Variants in EVC observed in about 807,000 individuals in gnomAD.
The protein encoded by EVC is EvC ciliary complex subunit 1, also known as evC complex member EVC.
EVC carries 116 observed loss-of-function variants against 118.9 expected under a neutral mutation model. The ratio of observed to expected loss-of-function variants is 0.98; its 90% confidence interval spans 0.84 to 1.14. EVC has a LOEUF of 1.14. Among genes scored for constraint, EVC ranks in the 50% most tolerant of loss-of-function variants. The probability of loss-of-function intolerance (pLI) is 0.00; values close to 1 mark genes in which losing one functional copy is unlikely to be tolerated. For synonymous variants in EVC, 619 were observed against 534.7 expected (o/e 1.16, Z -2.18); for missense variants, 1,401 against 1,246.4 (o/e 1.12, Z -1.87).
At chr4:5,773,889 G>C (rs185664372) in intron 11 of EVC, among the ~76,000 whole-genome samples, 48 of 152,178 alleles carry the variant, frequency 3.2e-4, no homozygotes, top group African/African-American at 6.7e-4. Flanking sequence ...GAACAATCAG[G>C]CTGGGGTCCC....
rs1729207023 is a variant in EVC, at chr4:5,745,349, C to T, written c.939+8C>T. On this transcript the variant is annotated splice_region_variant and intron_variant, in intron 7 of 20. Transcript: ENST00000264956. ...GAACAGCTAATCGATAATGTGCGTG[C>T]CAGACTTTCTTTCCTGTACACAAAT... is the stretch of plus-strand genomic sequence containing the variant. 1 of 1,612,184 alleles carries T rather than the reference C, an allele frequency of 6.2e-7. No individual in the cohort carries two copies. The highest frequency in any genetic ancestry group is 8.5e-7 in the Non-Finnish European group (1 of 1,179,594).
At chr4:5,748,999 T>A (rs1729933339) in intron 8 of EVC, among the ~76,000 whole-genome samples, 1 of 151,890 alleles carries the variant, frequency 6.6e-6, no homozygotes, top group African/African-American at 2.4e-5. Flanking sequence ...GCATTGGGGT[T>A]TTTAGAGCTC....
At chr4:5,790,574 C>G (rs965869410) in intron 12 of EVC, among the ~76,000 whole-genome samples, 1 of 152,028 alleles carries the variant, frequency 6.6e-6, no homozygotes, top group Non-Finnish European at 1.5e-5. Context: ...GATGTGAGAT[C>G]GTCAGGGAGG....
rs115477664 is a variant in EVC at position 5,731,801 on chromosome 4, G to A, written c.617+144G>A. Reference sequence around the variant, plus strand: ...CACACAGCGACCCAGCGTCACCATCGGAGCCCCAGAGGCCTTTGTCACTTC... The same window carrying A: ...CACACAGCGACCCAGCGTCACCATCAGAGCCCCAGAGGCCTTTGTCACTTC... On this transcript the variant is annotated intron_variant, in intron 4 of 20. Transcript: ENST00000264956. The surrounding 1 kb of genome is among the most constrained non-coding windows in gnomAD (Gnocchi z 5.6). 1,624 of 846,084 alleles carry A rather than the reference G, an allele frequency of 1.9e-3. 18 individuals carry two copies. The African/African-American group carries it at 0.023, about 12-fold the overall frequency. The allele number at this position is 846,084 out of a possible 1,614,324, so 52.4% of individuals were successfully genotyped here. A position where few individuals can be genotyped will look rare whatever the true frequency, so the allele number is the denominator to read the frequency against.
chr4:5,754,928 G>A lies in EVC; in HGVS notation c.1464+995G>A, dbSNP rs544123870. On this transcript the variant is annotated intron_variant, in intron 10 of 20. Coordinates refer to ENST00000264956, the MANE Select transcript of EVC (RefSeq NM_153717.3). This position sits in a 1 kb window ranked among gnomAD's most constrained non-coding sequence, Gnocchi z 5.8. Reference sequence around the variant, plus strand: ...CAAGGGGTGGGTGGCACCATGTCTGGGTCCAGGCTCAGCCCAGAATAGAGG... The same window carrying A: ...CAAGGGGTGGGTGGCACCATGTCTGAGTCCAGGCTCAGCCCAGAATAGAGG... Among the ~76,000 whole-genome samples, 297 of 152,138 alleles carry A rather than the reference G, an allele frequency of 2.0e-3. 1 individual carries two copies. The highest frequency in any genetic ancestry group is 0.01 in the South Asian group (49 of 4,788).
intron 9 of EVC, 108 bp downstream of exon 9, chr4:5,753,160 G>T: frequency 1.9e-6 from 2 of 1,080,694 alleles, no homozygotes; most frequent in Admixed American, 2.0e-5. Flanking sequence ...ATGATGCCGG[G>T]CACAGGCTGC....
At chr4:5,766,037 T>G (rs6852385) in intron 11 of EVC, among the ~76,000 whole-genome samples, 36,132 of 112,722 alleles carry the variant, frequency 0.32, 6,143 homozygotes, top group East Asian at 0.39. Context: ...TGCAGCGGCT[T>G]GTACCGGTTG....
At chr4:5,769,821 T>A (rs1486546297) in intron 11 of EVC, among the ~76,000 whole-genome samples, 1 of 152,152 alleles carries the variant, frequency 6.6e-6, no homozygotes, top group Non-Finnish European at 1.5e-5. Flanking sequence ...AACACTGGAC[T>A]CTGTCCTTGA....
chr4:5,768,813 CACCACTGTACTCTAGCCTGGTGACA>C (rs1448821993), intron 11 of EVC, among the ~76,000 whole-genome samples: 1 of 126,948 alleles, frequency 7.9e-6, no homozygotes, highest in South Asian at 2.3e-4. Context: ...GGCGAGATCA[CACCACTGTACTCTAGCCTGGTGACA>C]GAGCAAAACT....
Position 5,742,675 on chromosome 4 carries a change from G to A in EVC, c.801+861G>A, listed in dbSNP as rs541188256. Among the ~76,000 whole-genome samples the A allele has an allele frequency of 7.9e-5, 12 of 152,102 alleles. No individual in the cohort carries two copies. The highest frequency in any genetic ancestry group is 2.9e-4 in the African/African-American group (12 of 41,502). On this transcript the variant is annotated intron_variant, in intron 6 of 20. Transcript: ENST00000264956. This position sits in a 1 kb window ranked among gnomAD's most constrained non-coding sequence, Gnocchi z 5.2. ...CATCATGAGCATCATTTTTATCATT[G>A]TTGTAATTATTGGCATTCTCATTAC...
chr4:5,770,611 T>C (rs1478364687), intron 11 of EVC, among the ~76,000 whole-genome samples: 2 of 152,104 alleles, frequency 1.3e-5, no homozygotes, highest in Admixed American at 6.5e-5. Context: ...GATGGAAGGG[T>C]TGAGGCTTGC....
chr4:5,716,850 A>C (rs10804966), intron 1 of EVC, among the ~76,000 whole-genome samples: 126,347 of 152,084 alleles, frequency 0.83, 52,797 homozygotes, highest in African/African-American at 0.92. Flanking sequence ...CTGTTGAGAA[A>C]ACTGATTCTA....
chr4:5,809,665 G>A (rs956770539), intron 19 of EVC, 54 bp downstream of exon 19: 182 of 1,499,080 alleles, frequency 1.2e-4, no homozygotes, highest in Admixed American at 6.7e-4. Context: ...TGAGAGATAC[G>A]GATTCTAGTT....
At chr4:5,794,307 T>TATTTA (rs1197571097) in intron 13 of EVC, among the ~76,000 whole-genome samples, 1 of 119,250 alleles carries the variant, frequency 8.4e-6, no homozygotes, top group African/African-American at 3.3e-5. Flanking sequence ...ATTTATATTT[T>TATTTA]TATATATTTA....
chr4:5,828,682 C>T, the EVC span: 2 of 1,611,542 alleles, frequency 1.2e-6, no homozygotes, highest in African/African-American at 1.3e-5. Context: ...CACCAACAGC[C>T]TCAGTGTTAC....
At chr4:5,764,699 T>G (rs199963352) in intron 11 of EVC, among the ~76,000 whole-genome samples, 33,698 of 138,526 alleles carry the variant, frequency 0.24, 3,825 homozygotes, top group East Asian at 0.44. Context: ...TAGAGGTGTT[T>G]GTAGTATTCT....
At chr4:5,715,743 T>C (rs1359650301) in intron 1 of EVC, among the ~76,000 whole-genome samples, 8 of 145,810 alleles carry the variant, frequency 5.5e-5, no homozygotes, top group Non-Finnish European at 1.1e-4. Context: ...CCATTGTCTT[T>C]TTTTTTTTTT....
rs2151974067 is a variant in EVC at position 5,738,121 on chromosome 4, G to C, written c.703-3595G>C. 6.6e-6 allele frequency among the ~76,000 whole-genome samples: 1 copy of C among 152,294 alleles called. No homozygotes were observed. The highest frequency in any genetic ancestry group is 1.9e-4 in the East Asian group (1 of 5,174). ...TTTGAGGGGATTCAGAACTTCAGTG[G>C]AGGAAGTCATTGGAAATGTGGAAAT... On this transcript the variant is annotated intron_variant, in intron 5 of 20. Coordinates refer to ENST00000264956, the MANE Select transcript of EVC (RefSeq NM_153717.3). The surrounding 1 kb of genome is among the most constrained non-coding windows in gnomAD (Gnocchi z 6.5).
chr4:5,751,039 T>C (rs16837633), intron 8 of EVC, among the ~76,000 whole-genome samples: 2,025 of 152,244 alleles, frequency 0.013, 40 homozygotes, highest in African/African-American at 0.046. Context: ...ATTCAGTTTC[T>C]TGAGACTCAC....
Sources: gnomAD v4.1 joint callset for allele counts (sites outside exome capture counted in the v4.1 genomes callset) on GRCh38, gnomAD v4.1.1 for gene constraint, Gnocchi (gnomAD v3.1) non-coding constraint, MANE v1.5 for transcripts, NCBI Gene and HGNC (gene_info 2026-07-23, HGNC 2026-07-21) for gene names.